The following SNX31 variants were observed in gnomAD, a reference collection of about 807,000 sequenced individuals.
SNX31 encodes the protein sorting nexin 31.
In SNX31, 58 loss-of-function variants were observed where a neutral mutation model predicts 65.4. The observed-to-expected ratio is 0.89, with a 90% confidence interval of 0.72 to 1.10. The LOEUF (loss-of-function observed/expected upper bound fraction) is 1.10, where lower values mean the gene tolerates loss of function less well. Among genes scored for constraint, SNX31 ranks in the 50% least tolerant of loss-of-function variants. SNX31 has a pLI of 0.00. For synonymous variants in SNX31, 181 were observed against 190.1 expected, an observed-to-expected ratio of 0.95 and a Z score of 0.39; for missense variants, 523 against 529.7, an observed-to-expected ratio of 0.99 and a Z score of 0.12.
intron 2 of SNX31, among the ~76,000 whole-genome samples, chr8:100,636,542 G>A (rs1183431610): frequency 6.6e-6 from 1 of 152,148 alleles, no homozygotes; most frequent in Non-Finnish European, 1.5e-5. Context: ...AAAGAAAAGA[G>A]AATGTAAAAT....
chr8:100,650,554 C>T (rs1034953283), upstream of SNX31, among the ~76,000 whole-genome samples: 4 of 152,154 alleles, frequency 2.6e-5, no homozygotes, highest in African/African-American at 4.8e-5. Context: ...ATGCCTGAAA[C>T]GGGAATCCGA....
rs753593806 is a variant in SNX31 at position 100,630,059 on chromosome 8, T to C, written c.321+268A>G. Reference sequence around the variant, plus strand: ...CTTCTTCATGTCCTGTTTTGAGATGTATGATTCTTAGGCTACAGAAAAAGG... The same window carrying C: ...CTTCTTCATGTCCTGTTTTGAGATGCATGATTCTTAGGCTACAGAAAAAGG... On this transcript the variant is annotated intron_variant, in intron 4 of 13. Coordinates refer to ENST00000311812, the MANE Select transcript of SNX31 (RefSeq NM_152628.4). This position sits in a 1 kb window ranked among gnomAD's most constrained non-coding sequence, Gnocchi z 5.3. Among the ~76,000 whole-genome samples the C allele has an allele frequency of 6.6e-6, 1 of 152,234 alleles. No homozygotes were observed. Among genetic ancestry groups the C allele is most frequent in the Non-Finnish European group, 1.5e-5 (1 of 68,042 alleles).
chr8:100,631,944 T>C (rs7821477), intron 3 of SNX31, among the ~76,000 whole-genome samples: 59,201 of 152,092 alleles, frequency 0.39, 13,186 homozygotes, highest in African/African-American at 0.61. Context: ...AGTACCAGTA[T>C]TAGGCTAAAA....
At position 100,612,013 on chromosome 8, in the gene SNX31, CA is replaced by C. The variant is rs751410666; in HGVS notation, c.597del (p.Gly200AspfsTer15). On this transcript the variant is annotated frameshift_variant, in exon 7 of 14. Transcript: ENST00000311812. LOFTEE classifies it high-confidence loss of function. The surrounding 1 kb of genome is among the most constrained non-coding windows in gnomAD (Gnocchi z 4.3). Reference sequence around the variant, plus strand: ...GAACCTACTTACCACTTTCGGAGTCCAACCTTACAGTTTTCCACCTCAGAAC... The same window carrying C: ...GAACCTACTTACCACTTTCGGAGTCCACCTTACAGTTTTCCACCTCAGAAC... ...LGSSEVENCK[V>X]GLRKWYMAPS... is the part of the protein sequence containing the mutation. The C allele has an allele frequency of 1.2e-6, 2 of 1,613,882 alleles. No homozygotes were observed. Among genetic ancestry groups the C allele is most frequent in the Non-Finnish European group, 1.7e-6 (2 of 1,179,948 alleles).
rs187650442 is a variant in SNX31, at chr8:100,660,848, C to T, written c.-58+2294G>A. Among the ~76,000 whole-genome samples the T allele has an allele frequency of 6.6e-6, 1 of 152,184 alleles. No individual in the cohort carries two copies. The highest frequency in any genetic ancestry group is 2.1e-4 in the South Asian group (1 of 4,832). On this transcript the variant is annotated intron_variant, in intron 1 of 5. Transcript: ENST00000520352. This position sits in a 1 kb window ranked among gnomAD's most constrained non-coding sequence, Gnocchi z 4.1. ...TGCTTTGAGAGGTTCTACTCAGTATCGGGTTCTGCTGGCAGACCAAGCCCT... is the reference window on the plus strand; with the variant it reads ...TGCTTTGAGAGGTTCTACTCAGTATTGGGTTCTGCTGGCAGACCAAGCCCT...
intron 2 of SNX31, 90 bp from the exon 3 acceptor site, chr8:100,636,101 T>C (rs1295160908): frequency 2.8e-5 from 23 of 813,520 alleles, no homozygotes; most frequent in Non-Finnish European, 4.3e-5. Flanking sequence ...GCAAGTCCCA[T>C]CCCAGCACTT....
intron 8 of SNX31, among the ~76,000 whole-genome samples, chr8:100,602,489 C>G (rs943222307): frequency 1.3e-5 from 2 of 152,178 alleles, no homozygotes; most frequent in Non-Finnish European, 2.9e-5. Flanking sequence ...ATACCAAACT[C>G]TATATATACT....
intron 4 of SNX31, chr8:100,618,213 C>T: frequency 4.2e-6 from 6 of 1,433,724 alleles, no homozygotes; most frequent in Non-Finnish European, 5.5e-6. Context: ...ATAGTGGAGG[C>T]AAGGCAAAGG....
In SNX31 at chr8:100,578,448, A is replaced by G. The variant is rs1563507585; in HGVS notation, c.1171-1373T>C. Among the ~76,000 whole-genome samples, 1 of 152,214 alleles carries G rather than the reference A, an allele frequency of 6.6e-6. No individual in the cohort carries two copies. Among genetic ancestry groups the G allele is most frequent in the African/African-American group, 2.4e-5 (1 of 41,452 alleles). ...ACATGGTACACACAGGCATTCATAAATGACAGAATAAACAAGTGACTTAAT... is the reference window on the plus strand; with the variant it reads ...ACATGGTACACACAGGCATTCATAAGTGACAGAATAAACAAGTGACTTAAT... On this transcript the variant is annotated intron_variant, in intron 12 of 13. Coordinates refer to ENST00000311812, the MANE Select transcript of SNX31 (RefSeq NM_152628.4). This position sits in a 1 kb window ranked among gnomAD's most constrained non-coding sequence, Gnocchi z 4.7.
intron 4 of SNX31, among the ~76,000 whole-genome samples, chr8:100,620,790 G>A (rs1817626766): frequency 6.6e-6 from 1 of 152,016 alleles, no homozygotes; most frequent in Non-Finnish European, 1.5e-5. Flanking sequence ...ATGAAGTACA[G>A]GTTCACAAAG....
At chr8:100,653,953 C>T (rs118092077), upstream of SNX31, among the ~76,000 whole-genome samples, 1,076 of 152,328 alleles carry the variant, frequency 7.1e-3, 6 homozygotes, top group Non-Finnish European at 0.011. Context: ...CTCTGTGTAA[C>T]ATGCACAAAC....
At chr8:100,599,785 C>T (rs369021909) in intron 9 of SNX31, among the ~76,000 whole-genome samples, 5 of 152,172 alleles carry the variant, frequency 3.3e-5, no homozygotes, top group South Asian at 4.2e-4. Flanking sequence ...GCAGGAGGTA[C>T]GTGATTTGGT....
intron 5 of SNX31, among the ~76,000 whole-genome samples, chr8:100,615,488 A>C (rs567738763): frequency 5.6e-4 from 86 of 152,372 alleles, no homozygotes; most frequent in Non-Finnish European, 1.1e-3. Context: ...CTTACACAGC[A>C]ACACTGTGCA....
At position 100,622,255 on chromosome 8, in the gene SNX31, G is replaced by C. The variant is rs1563560988; in HGVS notation, c.322-4525C>G. Among the ~76,000 whole-genome samples, 1 of 152,146 alleles carries C rather than the reference G, an allele frequency of 6.6e-6. No individual in the cohort carries two copies. Among genetic ancestry groups the C allele is most frequent in the Non-Finnish European group, 1.5e-5 (1 of 68,016 alleles). On this transcript the variant is annotated intron_variant, in intron 4 of 13. Coordinates refer to ENST00000311812, the MANE Select transcript of SNX31 (RefSeq NM_152628.4). The surrounding 1 kb of genome is among the most constrained non-coding windows in gnomAD (Gnocchi z 5.0). ...CAGGATTATGTGGTGAGTTTATCTT[G>C]AAGAGTGCCCTGTACAAGTAGACAT...
chr8:100,635,561 A>G (rs958805709), intron 3 of SNX31, among the ~76,000 whole-genome samples: 1 of 152,138 alleles, frequency 6.6e-6, no homozygotes, highest in Non-Finnish European at 1.5e-5. Context: ...TCTTAAAAAA[A>G]AAAAAAAAAG....
intron 2 of SNX31, among the ~76,000 whole-genome samples, chr8:100,647,837 A>G (rs1438676438): frequency 3.3e-5 from 5 of 152,190 alleles, no homozygotes; most frequent in Non-Finnish European, 5.9e-5. Flanking sequence ...AATGCCTAAG[A>G]CACTCATCCT....
rs139326654 is a variant in SNX31, at chr8:100,618,024, C to A, written c.322-294G>T. The A allele has an allele frequency of 3.6e-3, 3,520 of 967,994 alleles. 88 individuals are homozygous for A. In the African/African-American group the frequency reaches 0.055, roughly 15 times the overall value. The allele number at this position is 967,994 out of a possible 1,614,324, so 60.0% of individuals were successfully genotyped here. A position where few individuals can be genotyped will look rare whatever the true frequency, so the allele number is the denominator to read the frequency against. On this transcript the variant is annotated intron_variant, in intron 4 of 13. Transcript: ENST00000311812. ...CAGGTGATCCACCCTCCTTGGCCTC[C>A]CAAAGTGTTGGGATTACAGGCCTGA...
intron 11 of SNX31, 120 bp from the exon 12 acceptor site, chr8:100,584,308 T>C (rs2130817877): frequency 1.5e-6 from 1 of 669,412 alleles, no homozygotes; most frequent in Non-Finnish European, 2.3e-6. Flanking sequence ...TTCAAGAATT[T>C]AGATTTCTTC....
rs1819761051 is a variant in SNX31 at position 100,648,079 on chromosome 8, A to T, written c.141+1195T>A. On this transcript the variant is annotated intron_variant, in intron 2 of 13. Coordinates refer to ENST00000311812, the MANE Select transcript of SNX31 (RefSeq NM_152628.4). The surrounding 1 kb of genome is among the most constrained non-coding windows in gnomAD (Gnocchi z 4.3). ...TCTTGGTTGACTCCAAAGATACTTAATCACACCTTGAAAATGGACTTTTCC... is the reference window on the plus strand; with the variant it reads ...TCTTGGTTGACTCCAAAGATACTTATTCACACCTTGAAAATGGACTTTTCC... 6.6e-6 allele frequency among the ~76,000 whole-genome samples: 1 copy of T among 152,246 alleles called. No individual in the cohort carries two copies. The highest frequency in any genetic ancestry group is 1.5e-5 in the Non-Finnish European group (1 of 68,044).
Sources: allele counts gnomAD v4.1 joint callset (sites outside exome capture counted in the v4.1 genomes callset), GRCh38; gene constraint gnomAD v4.1.1; non-coding constraint Gnocchi (gnomAD v3.1); transcripts MANE v1.5; gene names NCBI Gene and HGNC (gene_info 2026-07-23, HGNC 2026-07-21).